Variants in NR5A2 observed in about 807,000 individuals in gnomAD.
NR5A2 encodes the protein nuclear receptor subfamily 5 group A member 2, also known as CYP7A promoter-binding factor.
Under a neutral mutation model 62.7 loss-of-function variants are expected in NR5A2, and 26 were observed. The observed-to-expected ratio is 0.41, with a 90% CI of 0.30 to 0.58. NR5A2 has a LOEUF of 0.58. Ranked by LOEUF, NR5A2 falls within the 20% of genes least tolerant of loss-of-function variation. NR5A2 has a pLI of 0.22. For missense variants in NR5A2, 541 were observed against 669.1 expected (o/e 0.81, Z 2.11); for synonymous variants, 246 against 241.7 (o/e 1.02, Z -0.16).
intron 6 of NR5A2, among the ~76,000 whole-genome samples, chr1:200,114,560 G>T (rs1013481924): frequency 6.6e-6 from 1 of 152,086 alleles, no homozygotes; most frequent in African/African-American, 2.4e-5. Flanking sequence ...ACCTTTTGAG[G>T]TTCAGTGTCC....
intron 1 of NR5A2, among the ~76,000 whole-genome samples, chr1:200,036,652 C>T (rs962519298): frequency 6.6e-6 from 1 of 152,142 alleles, no homozygotes; most frequent in Non-Finnish European, 1.5e-5. Flanking sequence ...CCACTGCTGG[C>T]GGGGATCTTG....
chr1:200,036,392 A>G (rs901477963), intron 1 of NR5A2, among the ~76,000 whole-genome samples: 2 of 152,204 alleles, frequency 1.3e-5, no homozygotes, highest in Non-Finnish European at 2.9e-5. Flanking sequence ...CTTGCCCAGC[A>G]GAATTGAAGG....
chr1:200,125,573 C>T (rs768543265), intron 7 of NR5A2, among the ~76,000 whole-genome samples: 4 of 152,152 alleles, frequency 2.6e-5, no homozygotes, highest in Admixed American at 6.5e-5. Context: ...AGAGAAGCAA[C>T]GGGCATAATT....
At chr1:200,094,324 A>G (rs1437926421) in intron 5 of NR5A2, among the ~76,000 whole-genome samples, 1 of 151,002 alleles carries the variant, frequency 6.6e-6, no homozygotes, top group Non-Finnish European at 1.5e-5. Flanking sequence ...AGCTGGGGTT[A>G]CAGGCGCGGG....
chr1:200,077,784 C>G (rs895589280), intron 5 of NR5A2, among the ~76,000 whole-genome samples: 1 of 152,164 alleles, frequency 6.6e-6, no homozygotes, highest in African/African-American at 2.4e-5. Context: ...GTTCCGTCTT[C>G]CTCGGACTTC....
Position 200,175,825 on chromosome 1 carries a change from A to G in NR5A2, c.*1615A>G, listed in dbSNP as rs990561591. 1 of 152,752 alleles carries G rather than the reference A, an allele frequency of 6.5e-6. No homozygotes were observed. Among genetic ancestry groups the G allele is most frequent in the Middle Eastern group, 3.4e-3 (1 of 292 alleles). The allele number at this position is 152,752 out of a possible 1,614,324, so 9.5% of individuals were successfully genotyped here. On this transcript the variant is annotated 3_prime_UTR_variant, in exon 8 of 8. Transcript: ENST00000367362. Reference sequence around the variant, plus strand: ...TTTTTTTGAGATTATCGGCGGCACAATCACTTTGTAGAAACTGTAAAAAAT... The same window carrying G: ...TTTTTTTGAGATTATCGGCGGCACAGTCACTTTGTAGAAACTGTAAAAAAT...
chr1:200,086,221 C>G (rs1378960013), intron 5 of NR5A2, among the ~76,000 whole-genome samples: 2 of 152,128 alleles, frequency 1.3e-5, no homozygotes, highest in Non-Finnish European at 2.9e-5. Context: ...ATTACTATGT[C>G]AAACAAGCCT....
At chr1:200,090,790 A>G (rs1000782613) in intron 5 of NR5A2, among the ~76,000 whole-genome samples, 6 of 152,170 alleles carry the variant, frequency 3.9e-5, no homozygotes, top group African/African-American at 1.4e-4. Context: ...TGAGGACAGC[A>G]CAGATGTCTC....
chr1:200,166,465 TGTC>T (rs1653905311), intron 7 of NR5A2, among the ~76,000 whole-genome samples: 6 of 152,232 alleles, frequency 3.9e-5, no homozygotes, highest in Admixed American at 3.9e-4. Context: ...CCAATTTAAA[TGTC>T]AAATGTATAT....
Position 200,167,429 on chromosome 1 carries a change from G to A in NR5A2, c.1379-6534G>A, listed in dbSNP as rs149185611. ...CATCAACCATCTTGATGCCTTTCAAGTCCCTCCCCACCTCCTTGGCCGCCG... is the reference window on the plus strand; with the variant it reads ...CATCAACCATCTTGATGCCTTTCAAATCCCTCCCCACCTCCTTGGCCGCCG... On this transcript the variant is annotated intron_variant, in intron 7 of 7. Coordinates refer to ENST00000367362, the MANE Select transcript of NR5A2 (RefSeq NM_205860.3). Among the ~76,000 whole-genome samples the A allele has an allele frequency of 6.2e-3, 939 of 151,990 alleles. 5 individuals are homozygous for A. The highest frequency in any genetic ancestry group is 0.01 in the South Asian group (50 of 4,800).
At chr1:200,072,607 T>C (rs1571423221) in intron 5 of NR5A2, among the ~76,000 whole-genome samples, 2 of 152,162 alleles carry the variant, frequency 1.3e-5, no homozygotes, top group East Asian at 3.8e-4. Context: ...GGCTCTCATG[T>C]ATTAAAAGAA....
chr1:200,053,577 A>G lies in NR5A2; in HGVS notation c.1110+4759A>G, dbSNP rs901984658. Among the ~76,000 whole-genome samples the G allele has an allele frequency of 2.7e-3, 377 of 142,056 alleles. 1 individual carries two copies. The highest frequency in any genetic ancestry group is 7.0e-3 in the African/African-American group (255 of 36,298). The allele number at this position is 142,056 out of a possible 152,430, so 93.2% of individuals were successfully genotyped here. On this transcript the variant is annotated intron_variant, in intron 5 of 7. Coordinates refer to ENST00000367362, the MANE Select transcript of NR5A2 (RefSeq NM_205860.3). The stretch of plus-strand genomic sequence containing the variant: ...CCCCCCAGCATGCACACGCACACAC[A>G]CACACACACACACACACACACACAC...
intron 2 of NR5A2, among the ~76,000 whole-genome samples, chr1:200,041,319 G>A (rs1235721974): frequency 6.6e-6 from 1 of 152,244 alleles, no homozygotes; most frequent in Non-Finnish European, 1.5e-5. Context: ...CCAAACCAGA[G>A]AAGTAGTTTT....
At chr1:200,035,573 C>T (rs1245104510) in intron 1 of NR5A2, among the ~76,000 whole-genome samples, 1 of 152,126 alleles carries the variant, frequency 6.6e-6, no homozygotes, top group Non-Finnish European at 1.5e-5. Flanking sequence ...GCAGTTGCAT[C>T]CTCGCGAGTG....
At chr1:200,071,508 G>C (rs923743019) in intron 5 of NR5A2, among the ~76,000 whole-genome samples, 1 of 152,160 alleles carries the variant, frequency 6.6e-6, no homozygotes, top group African/African-American at 2.4e-5. Context: ...TGAGTATAAG[G>C]CAAATCTGGA....
chr1:200,057,683 T>C (rs1370420124), intron 5 of NR5A2: 1 of 316,090 alleles, frequency 3.2e-6, no homozygotes, highest in Non-Finnish European at 6.4e-6. Flanking sequence ...TTTGCCATGT[T>C]GGCCAGGCTG....
intron 7 of NR5A2, among the ~76,000 whole-genome samples, chr1:200,164,863 A>G (rs1391754845): frequency 7.8e-5 from 9 of 114,836 alleles, no homozygotes; most frequent in Admixed American, 9.4e-5. Flanking sequence ...TATTTTTTAG[A>G]GCAGTTTTTT....
At position 200,102,267 on chromosome 1, in the gene NR5A2, C is replaced by CT. The variant is rs528288504; in HGVS notation, c.1111-8930dup. Reference sequence around the variant, plus strand: ...TAATACAAATCGCACCATTCCATGACTTTTTAAACAGAGGATTTGATAAGC... The same window carrying CT: ...TAATACAAATCGCACCATTCCATGACTTTTTTAAACAGAGGATTTGATAAGC... On this transcript the variant is annotated intron_variant, in intron 5 of 7. Coordinates refer to ENST00000367362, the MANE Select transcript of NR5A2 (RefSeq NM_205860.3). Among the ~76,000 whole-genome samples the CT allele has an allele frequency of 3.1e-3, 470 of 152,254 alleles. 1 individual carries two copies. The highest frequency in any genetic ancestry group is 0.011 in the African/African-American group (460 of 41,540).
chr1:200,084,454 T>A (rs1442789672), intron 5 of NR5A2, among the ~76,000 whole-genome samples: 1 of 152,162 alleles, frequency 6.6e-6, no homozygotes, highest in Non-Finnish European at 1.5e-5. Flanking sequence ...AAATAATAGT[T>A]TTTTAAAGGT....
Sources: allele counts gnomAD v4.1 joint callset (sites outside exome capture counted in the v4.1 genomes callset), GRCh38; gene constraint gnomAD v4.1.1; transcripts MANE v1.5; gene names NCBI Gene and HGNC (gene_info 2026-07-23, HGNC 2026-07-21).